The following VPS13B variants were observed in gnomAD, a reference collection of about 807,000 sequenced individuals.
VPS13B encodes the protein intermembrane lipid transfer protein VPS13B.
A neutral mutation model predicts 426.4 loss-of-function variants in VPS13B; 285 were observed. The observed-to-expected ratio is 0.67, with a 90% CI of 0.61 to 0.74. The LOEUF is 0.74. Among genes scored for constraint, VPS13B ranks in the 30% least tolerant of loss-of-function variants. The probability of loss-of-function intolerance (pLI) is 0.00; values close to 1 mark genes in which losing one functional copy is unlikely to be tolerated. For missense variants in VPS13B, 4,537 were observed against 4,782.6 expected (o/e 0.95, Z 1.51); for synonymous variants, 1,676 against 1,676.4 (o/e 1.00, Z 0.01).
At chr8:99,276,460 T>C (rs894888758) in intron 19 of VPS13B, among the ~76,000 whole-genome samples, 11 of 152,124 alleles carry the variant, frequency 7.2e-5, no homozygotes, top group Non-Finnish European at 1.5e-5. Flanking sequence ...AAGACAGGGA[T>C]TGGTAAATAC....
intron 40 of VPS13B, 78 bp from the exon 41 acceptor site, chr8:99,776,697 C>A: frequency 7.3e-7 from 1 of 1,362,570 alleles, no homozygotes; most frequent in South Asian, 1.2e-5. Flanking sequence ...TTTAGAAACC[C>A]TTATAAAAAG....
intron 43 of VPS13B, among the ~76,000 whole-genome samples, chr8:99,797,446 G>A (rs1340200967): frequency 6.6e-6 from 1 of 152,062 alleles, no homozygotes; most frequent in Non-Finnish European, 1.5e-5. Context: ...GATTTCTCAA[G>A]AACATAGATT....
intron 35 of VPS13B, among the ~76,000 whole-genome samples, chr8:99,685,575 T>G (rs964210915): frequency 6.6e-6 from 1 of 152,214 alleles, no homozygotes; most frequent in Admixed American, 6.5e-5. Flanking sequence ...CTCCTCTGAT[T>G]GTGTATTTTC....
At chr8:99,167,384 A>G (rs974534847) in intron 15 of VPS13B, among the ~76,000 whole-genome samples, 1 of 152,040 alleles carries the variant, frequency 6.6e-6, no homozygotes, top group African/African-American at 2.4e-5. Context: ...GATGCTGATT[A>G]TACTATTATG....
At chr8:99,296,049 G>GTA (rs1303863883) in intron 19 of VPS13B, among the ~76,000 whole-genome samples, 1 of 151,938 alleles carries the variant, frequency 6.6e-6, no homozygotes. Context: ...ACAAAAGGAA[G>GTA]TATAGTTCCT....
At chr8:99,022,534 TTTGTA>T (rs1344610934) in intron 2 of VPS13B, among the ~76,000 whole-genome samples, 2 of 152,192 alleles carry the variant, frequency 1.3e-5, no homozygotes, top group African/African-American at 4.8e-5. Context: ...ATAGTCTGTT[TTTGTA>T]AGTGTTTCAT....
chr8:99,646,601 A>G (rs1445694256), intron 34 of VPS13B, among the ~76,000 whole-genome samples: 1 of 152,130 alleles, frequency 6.6e-6, no homozygotes, highest in Non-Finnish European at 1.5e-5. Context: ...GCACATATGT[A>G]TGATTGTATG....
chr8:99,540,036 TATATATATATATATATATATATATATA>T (rs1467276421), intron 30 of VPS13B, among the ~76,000 whole-genome samples: 874 of 4,368 alleles, frequency 0.2, 22 homozygotes, highest in Non-Finnish European at 0.25. Flanking sequence ...TATATATATA[TATATATATATATATATATATATATATA>T]TTTTTTTTTT....
chr8:99,535,441 C>G (rs1243614857), intron 30 of VPS13B, among the ~76,000 whole-genome samples: 1 of 152,050 alleles, frequency 6.6e-6, no homozygotes, highest in African/African-American at 2.4e-5. Flanking sequence ...ACAGATAGCT[C>G]CTCAATCTGA....
Position 99,170,587 on chromosome 8 carries a change from A to T in VPS13B, c.2333+424A>T, listed in dbSNP as rs114005828. 1.1e-3 allele frequency among the ~76,000 whole-genome samples: 168 copies of T among 152,070 alleles called. 2 individuals carry two copies. The highest frequency in any genetic ancestry group is 3.6e-3 in the African/African-American group (150 of 41,554). ...ACTGACAAAAGTATACACATTATGTAGAGTTAGAATGTATTTACATGTCTA... is the reference window on the plus strand; with the variant it reads ...ACTGACAAAAGTATACACATTATGTTGAGTTAGAATGTATTTACATGTCTA... On this transcript the variant is annotated intron_variant, in intron 16 of 61. Transcript: ENST00000357162.
At chr8:99,428,991 G>A (rs1055719144) in intron 21 of VPS13B, among the ~76,000 whole-genome samples, 3 of 152,136 alleles carry the variant, frequency 2.0e-5, no homozygotes, top group African/African-American at 7.2e-5. Flanking sequence ...GGACATGGAT[G>A]AAGCTGGAAA....
chr8:99,079,124 G>A (rs1160755981), intron 3 of VPS13B, among the ~76,000 whole-genome samples: 1 of 152,074 alleles, frequency 6.6e-6, no homozygotes, highest in East Asian at 1.9e-4. Flanking sequence ...ATGTTGGTGG[G>A]CACGGCTGGT....
chr8:99,266,226 C>T lies in VPS13B; in HGVS notation c.2516-7972C>T, dbSNP rs567818025. ...TGGTGGAAAAAGAATTAGGGTTAGC[C>T]TGGGCACCATAGTGAGACCCTGTCT... is the stretch of plus-strand genomic sequence containing the variant. On this transcript the variant is annotated intron_variant, in intron 17 of 61. Coordinates refer to ENST00000357162, the MANE Select transcript of VPS13B (RefSeq NM_152564.5). Among the ~76,000 whole-genome samples, 3 of 151,828 alleles carry T rather than the reference C, an allele frequency of 2.0e-5. No individual in the cohort carries two copies. The East Asian group carries it at 5.8e-4, about 30-fold the overall frequency.
At chr8:99,353,859 G>A (rs1294995410) in intron 19 of VPS13B, among the ~76,000 whole-genome samples, 1 of 151,918 alleles carries the variant, frequency 6.6e-6, no homozygotes, top group East Asian at 1.9e-4. Context: ...TAAAAACTTC[G>A]AAGACTACAC....
chr8:99,286,392 A>G (rs1819446220), intron 19 of VPS13B, among the ~76,000 whole-genome samples: 1 of 152,204 alleles, frequency 6.6e-6, no homozygotes, highest in Non-Finnish European at 1.5e-5. Flanking sequence ...TATTTAACTC[A>G]TCATTAATGA....
At chr8:99,164,472 G>A (rs967754071) in intron 15 of VPS13B, among the ~76,000 whole-genome samples, 1 of 152,168 alleles carries the variant, frequency 6.6e-6, no homozygotes, top group African/African-American at 2.4e-5. Context: ...GCAGTGAGGA[G>A]GTCTAGGCCT....
At chr8:99,512,650 T>C (rs903814519) in intron 29 of VPS13B, among the ~76,000 whole-genome samples, 2 of 152,186 alleles carry the variant, frequency 1.3e-5, no homozygotes, top group Non-Finnish European at 2.9e-5. Context: ...CAAAAGTAGA[T>C]TGTCTTTATT....
chr8:99,060,149 G>C (rs1260784927), intron 3 of VPS13B, among the ~76,000 whole-genome samples: 3 of 152,070 alleles, frequency 2.0e-5, no homozygotes, highest in African/African-American at 7.2e-5. Flanking sequence ...TGACAGTGTA[G>C]GTAAATTTTT....
chr8:99,532,297 T>TGATTC (rs1175136989), intron 30 of VPS13B, among the ~76,000 whole-genome samples: 1 of 152,196 alleles, frequency 6.6e-6, no homozygotes, highest in African/African-American at 2.4e-5. Context: ...CCAATAGATT[T>TGATTC]GATTCTGATA....
Sources: gnomAD v4.1 joint callset for allele counts (sites outside exome capture counted in the v4.1 genomes callset) on GRCh38, gnomAD v4.1.1 for gene constraint, MANE v1.5 for transcripts, NCBI Gene and HGNC (gene_info 2026-07-23, HGNC 2026-07-21) for gene names.